The following RMST variants were observed in gnomAD, a reference collection of about 807,000 sequenced individuals.
The protein encoded by RMST is rhabdomyosarcoma 2 associated transcript, also known as long intergenic non-protein coding RNA 54.
At chr12:97,532,818 G>C (rs1881776648) in intron 11 of RMST, 1 of 151,648 alleles carries the variant, frequency 6.6e-6, no homozygotes, top group Admixed American at 6.6e-5. Flanking sequence ...ATGGAAATGG[G>C]AATATAATAA....
At chr12:97,469,701 T>A (rs2136384747) in intron 5 of RMST, among the ~76,000 whole-genome samples, 1 of 152,196 alleles carries the variant, frequency 6.6e-6, no homozygotes, top group Admixed American at 6.5e-5. Flanking sequence ...CAACACATAT[T>A]ATTGAGCCTC....
chr12:97,513,034 G>GC (rs1316950731), intron 10 of RMST, among the ~76,000 whole-genome samples: 1 of 152,206 alleles, frequency 6.6e-6, no homozygotes, highest in African/African-American at 2.4e-5. Context: ...CGCTCCAACT[G>GC]CGGGGTCCGC....
chr12:97,466,539 T>C (rs528683439), intron 5 of RMST, among the ~76,000 whole-genome samples: 99 of 152,272 alleles, frequency 6.5e-4, no homozygotes, highest in Non-Finnish European at 1.3e-3. Flanking sequence ...TGCTTTGCTG[T>C]TATTTCAAAG....
chr12:97,486,280 T>C (rs10777873), intron 5 of RMST, among the ~76,000 whole-genome samples: 126,260 of 152,128 alleles, frequency 0.83, 52,792 homozygotes, highest in Middle Eastern at 0.91. Context: ...TAATCACCTC[T>C]GGCTTTTTAA....
intron 3 of RMST, chr12:97,463,036 T>TCTCTCTCTCTCTCTCTCTCA (rs1872754859): frequency 1.3e-5 from 2 of 151,440 alleles, no homozygotes; most frequent in Admixed American, 1.3e-4. Context: ...TCTCTCTCTC[T>TCTCTCTCTCTCTCTCTCTCA]CTCTCTCTCT....
chr12:97,542,010 T>C (rs1445887395), intron 11 of RMST, among the ~76,000 whole-genome samples: 1 of 151,946 alleles, frequency 6.6e-6, no homozygotes, highest in Non-Finnish European at 1.5e-5. Flanking sequence ...ATTATTTGTC[T>C]TTTAAATTCT....
chr12:97,506,164 C>T (rs1314046075), intron 10 of RMST, among the ~76,000 whole-genome samples: 1 of 150,144 alleles, frequency 6.7e-6, no homozygotes, highest in African/African-American at 2.5e-5. Context: ...TTTTATATTA[C>T]AGTACAATTA....
intron 10 of RMST, among the ~76,000 whole-genome samples, chr12:97,530,170 G>A (rs1393807901): frequency 6.6e-6 from 1 of 152,062 alleles, no homozygotes; most frequent in Non-Finnish European, 1.5e-5. Context: ...CAGAGGTAGA[G>A]AAGAAAATAT....
At chr12:97,502,493 ACT>A (rs1878189683) in intron 10 of RMST, among the ~76,000 whole-genome samples, 3 of 152,122 alleles carry the variant, frequency 2.0e-5, no homozygotes, top group South Asian at 4.2e-4. Flanking sequence ...AGACAATCTC[ACT>A]CTGCCACCAG....
chr12:97,502,305 T>C (rs1191015375), intron 10 of RMST, among the ~76,000 whole-genome samples: 2 of 152,218 alleles, frequency 1.3e-5, no homozygotes, highest in African/African-American at 4.8e-5. Flanking sequence ...ATGCACTGAT[T>C]ATTCATTTAT....
intron 4 of RMST, chr12:97,465,016 T>G (rs190161352): frequency 2.0e-5 from 3 of 152,294 alleles, no homozygotes; most frequent in African/African-American, 7.2e-5. Flanking sequence ...TCTTGTACAT[T>G]AGCATTTCAT....
At chr12:97,492,962 G>C (rs1207676431) in intron 6 of RMST, 2 of 152,126 alleles carry the variant, frequency 1.3e-5, no homozygotes, top group African/African-American at 4.8e-5. Flanking sequence ...ATAAGAGTTA[G>C]CTGCCAGAAA....
At chr12:97,482,719 T>A (rs1436893439) in intron 5 of RMST, among the ~76,000 whole-genome samples, 3 of 116,740 alleles carry the variant, frequency 2.6e-5, no homozygotes, top group South Asian at 5.1e-4. Context: ...TTATATTATT[T>A]ATTTATTAAA....
chr12:97,561,289 A>T (rs1181140659), intron 13 of RMST, among the ~76,000 whole-genome samples: 1 of 152,172 alleles, frequency 6.6e-6, no homozygotes, highest in Non-Finnish European at 1.5e-5. Context: ...GACTGCTACT[A>T]GCTGTATGCA....
intron 5 of RMST, among the ~76,000 whole-genome samples, chr12:97,477,511 A>C (rs1385606966): frequency 6.6e-6 from 1 of 152,188 alleles, no homozygotes; most frequent in Admixed American, 6.5e-5. Context: ...AAATTATATA[A>C]AACAAAATAA....
intron 10 of RMST, among the ~76,000 whole-genome samples, chr12:97,512,772 G>A (rs1026709292): frequency 6.6e-5 from 10 of 152,236 alleles, no homozygotes; most frequent in African/African-American, 2.2e-4. Flanking sequence ...TGCCAATCCC[G>A]CGCCCTGCGC....
intron 5 of RMST, among the ~76,000 whole-genome samples, chr12:97,478,115 C>G (rs1304695454): frequency 6.6e-6 from 1 of 152,158 alleles, no homozygotes; most frequent in Non-Finnish European, 1.5e-5. Context: ...TTTGATTTGT[C>G]ATCAAACACT....
intron 10 of RMST, among the ~76,000 whole-genome samples, chr12:97,525,914 G>C (rs1411323935): frequency 1.3e-5 from 2 of 152,074 alleles, no homozygotes; most frequent in Non-Finnish European, 2.9e-5. Flanking sequence ...GGTGGCGTTA[G>C]ATTCTCATAG....
chr12:97,549,946 C>T (rs150070788), intron 11 of RMST, among the ~76,000 whole-genome samples: 247 of 152,204 alleles, frequency 1.6e-3, no homozygotes, highest in African/African-American at 5.9e-3. Flanking sequence ...CTATAGAATT[C>T]GGTATTTTGT....
Sources: gnomAD v4.1 joint callset for allele counts (sites outside exome capture counted in the v4.1 genomes callset) on GRCh38, gnomAD v4.1.1 for gene constraint, MANE v1.5 for transcripts, NCBI Gene and HGNC (gene_info 2026-07-23, HGNC 2026-07-21) for gene names.